The following SMAD9 variants were observed in gnomAD, a reference collection of about 807,000 sequenced individuals.
SMAD9 encodes the protein SMAD family member 9.
SMAD9 carries 36 observed loss-of-function variants against 46.1 expected under a neutral mutation model. The ratio of observed to expected loss-of-function variants is 0.78; its 90% CI spans 0.60 to 1.03. The LOEUF is 1.03. Among genes scored for constraint, SMAD9 ranks in the 50% least tolerant of loss-of-function variants. The pLI is 0.00. For missense variants in SMAD9, 572 were observed against 599.8 expected, an observed-to-expected ratio of 0.95 and a Z score of 0.48; for synonymous variants, 245 against 237.1, an observed-to-expected ratio of 1.03 and a Z score of -0.31.
chr13:36,909,631 A>C (rs1741062918), intron 1 of SMAD9, among the ~76,000 whole-genome samples: 1 of 152,198 alleles, frequency 6.6e-6, no homozygotes. Flanking sequence ...TGATATAATG[A>C]ATAAAACACA....
intron 3 of SMAD9, among the ~76,000 whole-genome samples, chr13:36,869,822 T>A (rs1335143570): frequency 7.6e-6 from 1 of 131,032 alleles, no homozygotes. Context: ...AGAGCAAAAC[T>A]CCATCTCAAA....
intron 1 of SMAD9, among the ~76,000 whole-genome samples, chr13:36,889,542 T>C (rs889715940): frequency 1.3e-5 from 2 of 152,222 alleles, no homozygotes; most frequent in African/African-American, 2.4e-5. Context: ...CAATTCTTAA[T>C]ATAGATCTCC....
intron 1 of SMAD9, among the ~76,000 whole-genome samples, chr13:36,902,589 G>C (rs1396686560): frequency 6.6e-6 from 1 of 151,934 alleles, no homozygotes; most frequent in Non-Finnish European, 1.5e-5. Flanking sequence ...AAGTAGCTGA[G>C]ACTATAGGTG....
intron 6 of SMAD9, chr13:36,851,871 G>A (rs2058077548): frequency 1.0e-6 from 1 of 975,760 alleles, no homozygotes; most frequent in Non-Finnish European, 1.2e-6. Context: ...CTAGTTATTA[G>A]GAAAATCAGA....
At chr13:36,848,882 G>A in intron 6 of SMAD9, 63 bp from the exon 7 acceptor site, 24 of 1,571,596 alleles carry the variant, frequency 1.5e-5, no homozygotes, top group Non-Finnish European at 2.1e-5. Context: ...CAGAGCCCCA[G>A]GCAGAGCTCA....
chr13:36,898,444 TATAAG>T (rs561211717), intron 1 of SMAD9, among the ~76,000 whole-genome samples: 247 of 152,072 alleles, frequency 1.6e-3, no homozygotes, highest in East Asian at 2.7e-3. Context: ...GCAAAAATCT[TATAAG>T]ATATTAGAAA....
At position 36,872,800 on chromosome 13, in the gene SMAD9, G is replaced by A. The variant is rs763520251; in HGVS notation, c.528C>T (p.Thr176=). ...GAGGCTGCTGGAAAGAGTCAGGATA[G>A]GTGGCGTTGTGTGGCATGAGTGGCT... ...HSEPLMPHNA[T]YPDSFQQPPC... The change falls in exon 3 of 7, where the codon ACC becomes ACT. Residue 176 remains threonine (T), a synonymous_variant. Coordinates refer to ENST00000379826, the MANE Select transcript of SMAD9 (RefSeq NM_001127217.3). The A allele has an allele frequency of 3.1e-6, 5 of 1,614,106 alleles. No individual in the cohort carries two copies. Among genetic ancestry groups the A allele is most frequent in the Non-Finnish European group, 3.4e-6 (4 of 1,180,018 alleles).
intron 3 of SMAD9, among the ~76,000 whole-genome samples, chr13:36,871,179 C>G (rs536070974): frequency 1.5e-3 from 227 of 152,290 alleles, no homozygotes; most frequent in African/African-American, 5.3e-3. Context: ...CTTACTGAGT[C>G]AATAAAACCT....
rs2058050079 is a variant in SMAD9, at chr13:36,848,509, G to C, written c.*167C>G. The C allele has an allele frequency of 1.4e-6, 1 of 727,042 alleles. No homozygotes were observed. Among genetic ancestry groups the C allele is most frequent in the Admixed American group, 2.1e-5 (1 of 46,898 alleles). 45.0% of individuals were successfully genotyped at this position (727,042 alleles called of 1,614,324 possible). On this transcript the variant is annotated 3_prime_UTR_variant, in exon 7 of 7. Transcript: ENST00000379826. Reference sequence around the variant, plus strand: ...TTCCAATTGCACTGTACTGGCATCAGGTTAACTAGAAAGCACAAAACAAAC... The same window carrying C: ...TTCCAATTGCACTGTACTGGCATCACGTTAACTAGAAAGCACAAAACAAAC...
chr13:36,900,318 T>C lies in SMAD9; in HGVS notation c.-187+19798A>G, dbSNP rs190117418. Among the ~76,000 whole-genome samples, 104 of 152,300 alleles carry C rather than the reference T, an allele frequency of 6.8e-4. 2 individuals are homozygous for C. Among genetic ancestry groups the C allele is most frequent in the African/African-American group, 2.4e-3 (101 of 41,570 alleles). ...TTTTGTGAGATGGAGTCTTACTCTG[T>C]CATCCAGGCTGGAGTGCCGTGGCGT... On this transcript the variant is annotated intron_variant, in intron 1 of 6. Coordinates refer to ENST00000379826, the MANE Select transcript of SMAD9 (RefSeq NM_001127217.3).
intron 5 of SMAD9, among the ~76,000 whole-genome samples, chr13:36,854,294 G>C (rs114129074): frequency 1.3e-4 from 20 of 152,196 alleles, no homozygotes; most frequent in African/African-American, 4.8e-4. Flanking sequence ...CAAAAATAAG[G>C]TTTTATAATA....
At position 36,892,913 on chromosome 13, in the gene SMAD9, G is replaced by A. The variant is rs1353611682; in HGVS notation, c.-186-13038C>T. ...ACTGGCACTTTTTTGGGCCAGAAAT[G>A]TTTAGTTATAAAATTAGAACATAGG... is the stretch of plus-strand genomic sequence containing the variant. On this transcript the variant is annotated intron_variant, in intron 1 of 6. Coordinates refer to ENST00000379826, the MANE Select transcript of SMAD9 (RefSeq NM_001127217.3). Among the ~76,000 whole-genome samples, 5 of 151,522 alleles carry A rather than the reference G, an allele frequency of 3.3e-5. No homozygotes were observed. The East Asian group carries it at 5.8e-4, about 17-fold the overall frequency.
At chr13:36,883,413 T>C (rs1303909525) in intron 1 of SMAD9, among the ~76,000 whole-genome samples, 1 of 152,216 alleles carries the variant, frequency 6.6e-6, no homozygotes, top group African/African-American at 2.4e-5. Context: ...CCTGAGAGGA[T>C]AACTGGGCTG....
intron 1 of SMAD9, among the ~76,000 whole-genome samples, chr13:36,915,278 G>A (rs2058690045): frequency 6.6e-6 from 1 of 152,216 alleles, no homozygotes; most frequent in Admixed American, 6.5e-5. Flanking sequence ...TTCAGTGATA[G>A]AAAACTGGCA....
intron 1 of SMAD9, among the ~76,000 whole-genome samples, chr13:36,910,058 G>T (rs1251716304): frequency 6.6e-6 from 1 of 152,042 alleles, no homozygotes; most frequent in Non-Finnish European, 1.5e-5. Context: ...TTATCCGGGC[G>T]TGGTGGCGGG....
rs1321520452 is a variant in SMAD9 at position 36,845,395 on chromosome 13, T to TA, written c.*3280dup. ...ATAGTTCCAAAGCACTCGCAGCTAT[T>TA]AAAATATCATCTAGCTAAAACAAAC... is the stretch of plus-strand genomic sequence containing the variant. On this transcript the variant is annotated 3_prime_UTR_variant, in exon 7 of 7. Transcript: ENST00000379826. 2.6e-5 allele frequency: 4 copies of TA among 152,200 alleles called. No individual in the cohort carries two copies. Among genetic ancestry groups the TA allele is most frequent in the African/African-American group, 9.7e-5 (4 of 41,444 alleles). The allele number at this position is 152,200 out of a possible 1,614,324, so 9.4% of individuals were successfully genotyped here.
intron 1 of SMAD9, among the ~76,000 whole-genome samples, chr13:36,895,199 T>C (rs1439124636): frequency 2.6e-5 from 4 of 152,138 alleles, no homozygotes; most frequent in Non-Finnish European, 5.9e-5. Flanking sequence ...TCTATACCCA[T>C]ATGTACCAAT....
At chr13:36,858,861 C>T (rs1374350405) in intron 5 of SMAD9, among the ~76,000 whole-genome samples, 2 of 152,028 alleles carry the variant, frequency 1.3e-5, no homozygotes, top group East Asian at 3.9e-4. Context: ...AGATGCACGC[C>T]GCCATACTCA....
intron 1 of SMAD9, among the ~76,000 whole-genome samples, chr13:36,895,662 T>G (rs1037969188): frequency 1.3e-5 from 2 of 152,224 alleles, no homozygotes; most frequent in African/African-American, 4.8e-5. Context: ...GAAAGATGTG[T>G]TCAATGTGAA....
Sources: allele counts gnomAD v4.1 joint callset (sites outside exome capture counted in the v4.1 genomes callset), GRCh38; gene constraint gnomAD v4.1.1; transcripts MANE v1.5; gene names NCBI Gene and HGNC (gene_info 2026-07-23, HGNC 2026-07-21).